Variants in CD300C observed in about 807,000 individuals in gnomAD.
The protein encoded by CD300C is CMRF35-like molecule 6.
A neutral mutation model predicts 18.4 loss-of-function variants in CD300C; 11 were observed. The observed-to-expected ratio is 0.60, with a 90% confidence interval of 0.38 to 0.99. The LOEUF is 0.99. Among genes scored for constraint, CD300C ranks in the 50% least tolerant of loss-of-function variants. CD300C has a pLI of 0.01. For missense variants in CD300C, 277 were observed against 287.4 expected, an observed-to-expected ratio of 0.96 and a Z score of 0.26; for synonymous variants, 116 against 116.3, an observed-to-expected ratio of 1.00 and a Z score of 0.02.
chr17:74,540,680 G>A (rs185214821), downstream of CD300C, among the ~76,000 whole-genome samples: 87 of 152,252 alleles, frequency 5.7e-4, no homozygotes, highest in African/African-American at 1.8e-3. Flanking sequence ...AACATCTTTC[G>A]TCTGTATAGA....
chr17:74,537,589 A>G (rs8073796), downstream of CD300C, among the ~76,000 whole-genome samples: 80,023 of 150,338 alleles, frequency 0.53, 21,880 homozygotes, highest in Middle Eastern at 0.69. Flanking sequence ...AGATCGCACC[A>G]CTGCACTCCA....
chr17:74,540,566 C>T (rs1908513230), downstream of CD300C, among the ~76,000 whole-genome samples: 2 of 152,160 alleles, frequency 1.3e-5, no homozygotes, highest in South Asian at 4.1e-4. Context: ...AGGCGAGGCC[C>T]TCCTTGACCA....
intron 2 of CD300C, among the ~76,000 whole-genome samples, chr17:74,543,343 G>A (rs1386460229): frequency 6.6e-6 from 1 of 152,246 alleles, no homozygotes; most frequent in Non-Finnish European, 1.5e-5. Context: ...TGCGAAGCCA[G>A]GGCCCTGGGC....
At chr17:74,543,817 G>C (rs1041733825) in intron 2 of CD300C, among the ~76,000 whole-genome samples, 2 of 152,132 alleles carry the variant, frequency 1.3e-5, no homozygotes, top group Admixed American at 1.3e-4. Context: ...AATGATCTTC[G>C]GCACGGGAAA....
chr17:74,544,446 C>G (rs1329684255), intron 2 of CD300C, among the ~76,000 whole-genome samples, 163 bp downstream of exon 2: 1 of 152,144 alleles, frequency 6.6e-6, no homozygotes, highest in African/African-American at 2.4e-5. Flanking sequence ...TGCAGGCACG[C>G]ATACACAAAG....
chr17:74,540,369 C>A (rs1003563759), downstream of CD300C, among the ~76,000 whole-genome samples: 3 of 152,212 alleles, frequency 2.0e-5, no homozygotes, highest in Non-Finnish European at 4.4e-5. Context: ...TACATTACCT[C>A]TGGAACATAT....
At chr17:74,545,176 G>A (rs1201914274) in intron 1 of CD300C, among the ~76,000 whole-genome samples, 2 of 152,212 alleles carry the variant, frequency 1.3e-5, no homozygotes, top group African/African-American at 2.4e-5. Flanking sequence ...GGGAAACACT[G>A]GGTGTGTGCG....
At chr17:74,541,068 C>T (rs1027565293), downstream of CD300C, 8 of 153,396 alleles carry the variant, frequency 5.2e-5, no homozygotes, top group South Asian at 6.1e-4. Flanking sequence ...CAATGGATTT[C>T]TCACTCAGGT....
chr17:74,544,370 T>C (rs1218360177), intron 2 of CD300C, among the ~76,000 whole-genome samples: 1 of 152,030 alleles, frequency 6.6e-6, no homozygotes, highest in Non-Finnish European at 1.5e-5. Flanking sequence ...GGTGCTTTTG[T>C]GGGCGCCCAC....
At chr17:74,537,300 T>C (rs768157933), downstream of CD300C, among the ~76,000 whole-genome samples, 8 of 152,146 alleles carry the variant, frequency 5.3e-5, no homozygotes, top group Non-Finnish European at 1.2e-4. Flanking sequence ...TGTAGACCAA[T>C]ACAAAGAAGT....
intron 1 of CD300C, among the ~76,000 whole-genome samples, 182 bp downstream of exon 1, chr17:74,545,540 C>A (rs1908729981): frequency 6.6e-6 from 1 of 152,188 alleles, no homozygotes; most frequent in East Asian, 1.9e-4. Context: ...CTCCCCCGTG[C>A]TGTGCCCTGC....
At chr17:74,545,011 G>A (rs1908705184) in intron 1 of CD300C, 64 bp from the exon 2 acceptor site, 1 of 1,457,190 alleles carries the variant, frequency 6.9e-7, no homozygotes, top group African/African-American at 1.4e-5. Flanking sequence ...GTGCCGCAGT[G>A]TCAGCCCCTC....
At chr17:74,545,310 GTGTGTGCATGTGTGAC>G (rs529841411) in intron 1 of CD300C, among the ~76,000 whole-genome samples, 5,455 of 151,942 alleles carry the variant, frequency 0.036, 145 homozygotes, top group Non-Finnish European at 0.055. Context: ...GAGTGTGACT[GTGTGTGCATGTGTGAC>G]TGTGTGCATG....
Position 74,541,605 on chromosome 17 carries a change from T to G in CD300C, c.659A>C (p.Lys220Thr). Residue 220 changes from lysine (K) to threonine (T), a missense_variant, in exon 4 of 4, where the codon AAG becomes ACG. Lys to Thr is a moderately conservative substitution (Grantham distance 78). Transcript: ENST00000330793. ...CAGCAGATGCTACTGGTTCTCACCC[T>G]TGGGCCAATTCTGCCTGCTTCTAGA... ...RSSRSRQNWP[K>T]GENQ The G allele has an allele frequency of 3.7e-6, 6 of 1,613,600 alleles. No homozygotes were observed. Among genetic ancestry groups the G allele is most frequent in the Non-Finnish European group, 5.1e-6 (6 of 1,179,558 alleles).
rs762143942 is a variant in CD300C at position 74,544,904 on chromosome 17, C to T, written c.105G>A (p.Val35=). Reference sequence around the variant, plus strand: ...GACACTGCACACTCAGGGATCCCCCCACGGGGCCCGCCACGGTCATGGGGT... The same window carrying T: ...GACACTGCACACTCAGGGATCCCCCTACGGGGCCCGCCACGGTCATGGGGT... ...LSHPMTVAGP[V]GGSLSVQCRY... Residue 35 remains valine, a synonymous_variant, in exon 2 of 4, where the codon GTG becomes GTA. Coordinates refer to ENST00000330793, the MANE Select transcript of CD300C (RefSeq NM_006678.5). The T allele has an allele frequency of 6.8e-6, 11 of 1,613,508 alleles. No individual in the cohort carries two copies. The highest frequency in any genetic ancestry group is 3.3e-4 in the Middle Eastern group (2 of 6,058).
chr17:74,545,957 G>C lies in CD300C; in HGVS notation c.-175C>G, dbSNP rs566723707. On this transcript the variant is annotated 5_prime_UTR_variant, in exon 1 of 4. Coordinates refer to ENST00000330793, the MANE Select transcript of CD300C (RefSeq NM_006678.5). ...GGTCAGGGTACAGGAAGCTCAGGGA[G>C]AGAGCCGCCTGGGCTGAGGCCGGTG... 1.6e-6 allele frequency: 1 copy of C among 619,290 alleles called. No individual in the cohort carries two copies. Among genetic ancestry groups the C allele is most frequent in the South Asian group, 1.9e-5 (1 of 53,998 alleles). The allele number at this position is 619,290 out of a possible 1,614,324, so 38.4% of individuals were successfully genotyped here.
downstream of CD300C, among the ~76,000 whole-genome samples, chr17:74,536,292 AAGAACT>A (rs1908371875): frequency 2.0e-5 from 3 of 152,198 alleles, no homozygotes. Flanking sequence ...AAGACTTGCA[AAGAACT>A]TCTACCAATT....
Position 74,541,476 on chromosome 17 carries a change from C to CA in CD300C, c.*112dup. 6 of 751,362 alleles carry CA rather than the reference C, an allele frequency of 8.0e-6. No individual in the cohort carries two copies. The Admixed American group carries it at 1.1e-4, about 14-fold the overall frequency. 46.5% of individuals were successfully genotyped at this position (751,362 alleles called of 1,614,324 possible). ...CAGGGAAAAGGCTGAAGGAGGCTCA[C>CA]AAAGGATTCCAGGAGATGTGGAGAG... On this transcript the variant is annotated 3_prime_UTR_variant, in exon 4 of 4. Coordinates refer to ENST00000330793, the MANE Select transcript of CD300C (RefSeq NM_006678.5).
At position 74,541,539 on chromosome 17, in the gene CD300C, T is replaced by C; in HGVS notation, c.*50A>G. On this transcript the variant is annotated 3_prime_UTR_variant, in exon 4 of 4. Transcript: ENST00000330793. ...GGGAGTGGTCAGGAGGTCATTCCAG[T>C]CCCCCAGAGGGGCTCTGTTGCAGCA... The C allele has an allele frequency of 7.6e-7, 1 of 1,316,618 alleles. No homozygotes were observed. Among genetic ancestry groups the C allele is most frequent in the South Asian group, 1.2e-5 (1 of 85,190 alleles). The allele number at this position is 1,316,618 out of a possible 1,614,324, so 81.6% of individuals were successfully genotyped here.
Sources: allele counts gnomAD v4.1 joint callset (sites outside exome capture counted in the v4.1 genomes callset), GRCh38; gene constraint gnomAD v4.1.1; transcripts MANE v1.5; gene names NCBI Gene and HGNC (gene_info 2026-07-23, HGNC 2026-07-21).